Variants in KIAA0319 observed in about 807,000 individuals in gnomAD.
The protein encoded by KIAA0319 is dyslexia-associated protein KIAA0319.
Under a neutral mutation model 108.4 loss-of-function variants are expected in KIAA0319, and 83 were observed. The observed-to-expected ratio is 0.77, with a 90% CI of 0.64 to 0.92. The LOEUF (loss-of-function observed/expected upper bound fraction) is 0.92, where lower values mean the gene tolerates loss of function less well. Among genes scored for constraint, KIAA0319 ranks in the 40% least tolerant of loss-of-function variants. KIAA0319 has a pLI of 0.00. For synonymous variants in KIAA0319, 484 were observed against 510.4 expected (o/e 0.95, Z 0.70); for missense variants, 1,195 against 1,322.4 (o/e 0.90, Z 1.49).
intron 1 of KIAA0319, among the ~76,000 whole-genome samples, chr6:24,620,340 G>A (rs903127919): frequency 1.3e-5 from 2 of 152,070 alleles, no homozygotes; most frequent in Admixed American, 1.3e-4. Context: ...TCACTCTGTC[G>A]CCCAGGCTGA....
chr6:24,579,192 T>A (rs1765978233), intron 8 of KIAA0319, among the ~76,000 whole-genome samples: 1 of 152,134 alleles, frequency 6.6e-6, no homozygotes, highest in Admixed American at 6.6e-5. Context: ...AACCACAGGA[T>A]GTTTTCAACC....
chr6:24,565,266 A>G (rs2127447785), intron 14 of KIAA0319, among the ~76,000 whole-genome samples: 1 of 150,762 alleles, frequency 6.6e-6, no homozygotes, highest in East Asian at 1.9e-4. Context: ...AAAAAAAAGT[A>G]TAAAGCATTT....
rs1431580664 is a variant in KIAA0319 at position 24,642,950 on chromosome 6, C to T, written c.-106+2786G>A. On this transcript the variant is annotated intron_variant, in intron 1 of 20. Transcript: ENST00000378214. Reference sequence around the variant, plus strand: ...CTCGAACTCCTGACCTCAGGTGATCCGTCCATTTCGGACTCCCAAAGTGCT... The same window carrying T: ...CTCGAACTCCTGACCTCAGGTGATCTGTCCATTTCGGACTCCCAAAGTGCT... Among the ~76,000 whole-genome samples, 9 of 152,126 alleles carry T rather than the reference C, an allele frequency of 5.9e-5. No homozygotes were observed. The South Asian group carries it at 8.3e-4, about 14-fold the overall frequency.
At chr6:24,543,978 A>G (rs1435970948), downstream of KIAA0319, 1 of 152,090 alleles carries the variant, frequency 6.6e-6, no homozygotes, top group African/African-American at 2.4e-5. Flanking sequence ...CCTTCTGCAA[A>G]TTTTTTTCTT....
chr6:24,633,158 G>A (rs1384702696), intron 1 of KIAA0319, among the ~76,000 whole-genome samples: 1 of 152,174 alleles, frequency 6.6e-6, no homozygotes, highest in African/African-American at 2.4e-5. Flanking sequence ...CAGCATTGCA[G>A]TAACACTGTG....
chr6:24,609,273 C>CAAAAAAAAAAAAAAAAAAAA (rs886616830), intron 1 of KIAA0319, among the ~76,000 whole-genome samples: 5 of 74,744 alleles, frequency 6.7e-5, no homozygotes, highest in Admixed American at 3.2e-4. Context: ...GTCTCAAAAA[C>CAAAAAAAAAAAAAAAAAAAA]AAAAAAAAAA....
chr6:24,543,731 C>T (rs1561886918), downstream of KIAA0319, among the ~76,000 whole-genome samples: 1 of 152,274 alleles, frequency 6.6e-6, no homozygotes, highest in East Asian at 1.9e-4. Context: ...CATGCCCGGC[C>T]CTCATTTTAA....
At chr6:24,595,558 A>C (rs1026605751) in intron 3 of KIAA0319, among the ~76,000 whole-genome samples, 2 of 148,172 alleles carry the variant, frequency 1.3e-5, no homozygotes, top group African/African-American at 2.5e-5. Flanking sequence ...AAAAAAAAAA[A>C]AAAAAAAAAA....
chr6:24,553,205 G>T (rs1410548189), intron 19 of KIAA0319, among the ~76,000 whole-genome samples: 2 of 150,184 alleles, frequency 1.3e-5, no homozygotes, highest in African/African-American at 4.9e-5. Context: ...CCTACCATTT[G>T]TAACAGTATA....
chr6:24,623,048 A>G (rs1736170286), intron 1 of KIAA0319, among the ~76,000 whole-genome samples: 1 of 151,086 alleles, frequency 6.6e-6, no homozygotes, highest in African/African-American at 2.4e-5. Context: ...CATTAAAAGA[A>G]AAAAAAAAGA....
rs548596582 is a variant in KIAA0319 at position 24,596,601 on chromosome 6, A to G, written c.73T>C (p.Cys25Arg). Residue 25 changes from cysteine (C) to arginine (R), a missense_variant, in exon 3 of 21, where the codon TGC becomes CGC. Coordinates refer to ENST00000378214, the MANE Select transcript of KIAA0319 (RefSeq NM_014809.4). ...VTIAGCARKQCSEGRTYSNAV... is the reference protein window; with the variant it reads ...VTIAGCARKQRSEGRTYSNAV... Reference sequence around the variant, plus strand: ...TTGGAATATGTCCTCCCCTCGCTGCACTGCTTACGGGCACAACCTTTAAAC... The same window carrying G: ...TTGGAATATGTCCTCCCCTCGCTGCGCTGCTTACGGGCACAACCTTTAAAC... The G allele has an allele frequency of 6.2e-7, 1 of 1,609,502 alleles. No individual in the cohort carries two copies. The highest frequency in any genetic ancestry group is 8.5e-7 in the Non-Finnish European group (1 of 1,177,090).
chr6:24,543,552 T>C (rs1034496180), downstream of KIAA0319, among the ~76,000 whole-genome samples: 14 of 152,132 alleles, frequency 9.2e-5, no homozygotes, highest in African/African-American at 3.4e-4. Flanking sequence ...CTCAGCCTCC[T>C]GAGTAGCTGG....
At chr6:24,540,610 CT>C (rs1760164096), downstream of KIAA0319, among the ~76,000 whole-genome samples, 1 of 151,136 alleles carries the variant, frequency 6.6e-6, no homozygotes, top group Admixed American at 6.6e-5. Flanking sequence ...ACAAGAGAGG[CT>C]CTAGGGACCA....
chr6:24,595,219 C>G (rs1477536132), intron 3 of KIAA0319, among the ~76,000 whole-genome samples: 2 of 152,114 alleles, frequency 1.3e-5, no homozygotes, highest in East Asian at 3.9e-4. Flanking sequence ...GTGCTGGCCC[C>G]AGGGACTTCT....
intron 1 of KIAA0319, among the ~76,000 whole-genome samples, chr6:24,611,579 C>CA (rs1365552748): frequency 5.9e-5 from 9 of 152,120 alleles, no homozygotes; most frequent in African/African-American, 2.2e-4. Context: ...GGAAAATCAC[C>CA]ATAAGCACAG....
chr6:24,561,567 G>A (rs1249168050), intron 16 of KIAA0319, among the ~76,000 whole-genome samples: 1 of 151,980 alleles, frequency 6.6e-6, no homozygotes, highest in Non-Finnish European at 1.5e-5. Flanking sequence ...ACATTTTTTG[G>A]AGACTGGGTC....
At chr6:24,593,558 G>A (rs886889700) in intron 3 of KIAA0319, among the ~76,000 whole-genome samples, 28 of 151,438 alleles carry the variant, frequency 1.8e-4, no homozygotes, top group African/African-American at 6.3e-4. Flanking sequence ...ATACCGCCAC[G>A]CCTGGCTAAT....
chr6:24,595,964 G>A lies in KIAA0319; in HGVS notation c.710C>T (p.Pro237Leu). 3 of 1,614,182 alleles carry A rather than the reference G, an allele frequency of 1.9e-6. No homozygotes were observed. Among genetic ancestry groups the A allele is most frequent in the East Asian group, 4.5e-5 (2 of 44,882 alleles). Reference protein sequence around the residue: ...PKLPERSVLLPLPTTPSSGEV... With the variant: ...PKLPERSVLLLLPTTPSSGEV... ...TCCTGAAGATGGAGTAGTCGGCAAGGGAAGCAACACACTTCTCTCAGGGAG... is the reference window on the plus strand; with the variant it reads ...TCCTGAAGATGGAGTAGTCGGCAAGAGAAGCAACACACTTCTCTCAGGGAG... The change falls in exon 3 of 21, where the codon CCC (proline) becomes CTC (leucine). Residue 237 changes from proline (P) to leucine (L), a missense_variant. Coordinates refer to ENST00000378214, the MANE Select transcript of KIAA0319 (RefSeq NM_014809.4).
At chr6:24,584,877 G>C (rs766782934) in intron 4 of KIAA0319, among the ~76,000 whole-genome samples, 1 of 152,164 alleles carries the variant, frequency 6.6e-6, no homozygotes, top group African/African-American at 2.4e-5. Context: ...TATGCAGTAG[G>C]TTCTATTAAA....
Sources: gnomAD v4.1 joint callset for allele counts (sites outside exome capture counted in the v4.1 genomes callset) on GRCh38, gnomAD v4.1.1 for gene constraint, MANE v1.5 for transcripts, NCBI Gene and HGNC (gene_info 2026-07-23, HGNC 2026-07-21) for gene names.